The following CNTN4 variants were observed in gnomAD, a reference collection of about 807,000 sequenced individuals.
CNTN4 encodes the protein contactin 4.
In CNTN4, 77 loss-of-function variants were observed where a neutral mutation model predicts 122.5. That is an observed-to-expected ratio of 0.63 (90% confidence interval 0.52 to 0.76). The LOEUF is 0.76. Among genes scored for constraint, CNTN4 ranks in the 30% least tolerant of loss-of-function variants. CNTN4 has a pLI of 0.00. For missense variants in CNTN4, 1,256 were observed against 1,259.1 expected, an observed-to-expected ratio of 1.00 and a Z score of 0.04; for synonymous variants, 512 against 447.0, an observed-to-expected ratio of 1.15 and a Z score of -1.83.
chr3:2,595,285 A>T (rs1438972593), intron 4 of CNTN4, among the ~76,000 whole-genome samples: 1 of 152,246 alleles, frequency 6.6e-6, no homozygotes, highest in Non-Finnish European at 1.5e-5. Context: ...TAAAGATATT[A>T]TCCTTAGTTT....
chr3:2,667,513 T>C (rs1224891064), intron 4 of CNTN4, among the ~76,000 whole-genome samples: 1 of 152,172 alleles, frequency 6.6e-6, no homozygotes, highest in African/African-American at 2.4e-5. Flanking sequence ...ATGAGTAGAT[T>C]ACAAAAATTT....
chr3:2,812,257 T>C (rs2092630876), intron 6 of CNTN4, among the ~76,000 whole-genome samples: 1 of 152,172 alleles, frequency 6.6e-6, no homozygotes, highest in Admixed American at 6.5e-5. Flanking sequence ...CCTGCACATG[T>C]ACCCCTAAAC....
At chr3:2,313,919 A>G (rs2043003122) in intron 2 of CNTN4, among the ~76,000 whole-genome samples, 1 of 151,978 alleles carries the variant, frequency 6.6e-6, no homozygotes, top group African/African-American at 2.4e-5. Flanking sequence ...ATAACTGTAA[A>G]ATTGGAAAAG....
chr3:2,671,519 TTTGCCATGG>T (rs1219952536), intron 4 of CNTN4, among the ~76,000 whole-genome samples: 9 of 152,208 alleles, frequency 5.9e-5, no homozygotes, highest in Non-Finnish European at 1.0e-4. Flanking sequence ...TTTTAACTTC[TTTGCCATGG>T]TTTCAAACTT....
At chr3:2,231,021 T>C (rs2149543985) in intron 2 of CNTN4, among the ~76,000 whole-genome samples, 1 of 152,070 alleles carries the variant, frequency 6.6e-6, no homozygotes, top group African/African-American at 2.4e-5. Flanking sequence ...AAATATGATG[T>C]GAATCAAAAA....
chr3:2,107,902 C>T (rs770246784), intron 2 of CNTN4, among the ~76,000 whole-genome samples: 2 of 152,088 alleles, frequency 1.3e-5, no homozygotes, highest in Non-Finnish European at 2.9e-5. Context: ...ATACCCCTAC[C>T]CAGGCACATA....
At chr3:2,222,780 G>T (rs2039111907) in intron 2 of CNTN4, among the ~76,000 whole-genome samples, 1 of 152,028 alleles carries the variant, frequency 6.6e-6, no homozygotes, top group African/African-American at 2.4e-5. Flanking sequence ...TTCCTGAAAA[G>T]AATGCTGAGA....
At chr3:2,383,191 A>C (rs1394351883) in intron 3 of CNTN4, among the ~76,000 whole-genome samples, 1 of 152,242 alleles carries the variant, frequency 6.6e-6, no homozygotes, top group Non-Finnish European at 1.5e-5. Flanking sequence ...TCCCAGACTT[A>C]TATGAGCATA....
rs1337049783 is a variant in CNTN4 at position 2,531,106 on chromosome 3, C to T, written c.-88-40310C>T. Among the ~76,000 whole-genome samples the T allele has an allele frequency of 5.9e-5, 9 of 152,124 alleles. No homozygotes were observed. The East Asian group carries it at 1.7e-3, about 29-fold the overall frequency. On this transcript the variant is annotated intron_variant, in intron 3 of 24. Coordinates refer to ENST00000418658, the MANE Select transcript of CNTN4 (RefSeq NM_175607.3). ...GGGAAAGAACCTCCTAAAAAAGAGTCAATATGTTTGATGACATTAAACTGC... is the reference window on the plus strand; with the variant it reads ...GGGAAAGAACCTCCTAAAAAAGAGTTAATATGTTTGATGACATTAAACTGC...
rs568125763 is a variant in CNTN4 at position 2,221,015 on chromosome 3, A to C, written c.-144-118163A>C. Among the ~76,000 whole-genome samples, 6 of 152,254 alleles carry C rather than the reference A, an allele frequency of 3.9e-5. No individual in the cohort carries two copies. The South Asian group carries it at 6.2e-4, about 16-fold the overall frequency. ...AGAATGTAAGATTCGGACTGGGGCC[A>C]TCAAATAATCCTGCTTGAGTGATTC... On this transcript the variant is annotated intron_variant, in intron 2 of 24. Coordinates refer to ENST00000418658, the MANE Select transcript of CNTN4 (RefSeq NM_175607.3).
chr3:2,392,749 C>CTA (rs1271275185), intron 3 of CNTN4, among the ~76,000 whole-genome samples: 3 of 152,180 alleles, frequency 2.0e-5, no homozygotes, highest in African/African-American at 7.2e-5. Flanking sequence ...TCTTATTTAA[C>CTA]TAAAGCTTTG....
Position 3,012,456 on chromosome 3 carries a change from G to GT in CNTN4, c.1487-13641dup, listed in dbSNP as rs551173471. ...TTGATCGGTTTGGTTTTTTGTTTTT[G>GT]TTTTTGTTTTTGAGACACAGTCTCA... On this transcript the variant is annotated intron_variant, in intron 14 of 24. Coordinates refer to ENST00000418658, the MANE Select transcript of CNTN4 (RefSeq NM_175607.3). 4.3e-3 allele frequency among the ~76,000 whole-genome samples: 656 copies of GT among 151,852 alleles called. 7 individuals carry two copies. The highest frequency in any genetic ancestry group is 0.015 in the African/African-American group (628 of 41,482).
intron 15 of CNTN4, among the ~76,000 whole-genome samples, chr3:3,026,686 G>C (rs545307475): frequency 6.6e-6 from 1 of 152,092 alleles, no homozygotes; most frequent in Non-Finnish European, 1.5e-5. Flanking sequence ...CTGTTTTTAG[G>C]CTGCTAATTA....
chr3:2,696,211 C>G (rs1243839467), intron 4 of CNTN4, among the ~76,000 whole-genome samples: 1 of 152,042 alleles, frequency 6.6e-6, no homozygotes, highest in Non-Finnish European at 1.5e-5. Flanking sequence ...ACTATAATGA[C>G]CTGAAGTGTT....
intron 6 of CNTN4, among the ~76,000 whole-genome samples, chr3:2,779,493 G>A (rs781345902): frequency 6.6e-6 from 1 of 152,060 alleles, no homozygotes; most frequent in Non-Finnish European, 1.5e-5. Context: ...GCCACAGTTG[G>A]TTATTACTTA....
chr3:2,951,446 C>T (rs1030363872), intron 13 of CNTN4, among the ~76,000 whole-genome samples: 1 of 152,218 alleles, frequency 6.6e-6, no homozygotes, highest in Non-Finnish European at 1.5e-5. Context: ...GTGATGCTTG[C>T]TCACAGGCTC....
At chr3:2,249,809 G>T (rs2040305732) in intron 2 of CNTN4, among the ~76,000 whole-genome samples, 1 of 151,874 alleles carries the variant, frequency 6.6e-6, no homozygotes, top group Non-Finnish European at 1.5e-5. Flanking sequence ...CCTTGCCATA[G>T]ACCTTTTCTT....
chr3:2,787,714 A>T (rs2091881738), intron 6 of CNTN4, among the ~76,000 whole-genome samples: 1 of 151,868 alleles, frequency 6.6e-6, no homozygotes, highest in South Asian at 2.1e-4. Context: ...AATAGCGCAT[A>T]CTTTGTTGGT....
Position 2,900,051 on chromosome 3 carries a change from G to A in CNTN4, c.941-634G>A, listed in dbSNP as rs1174926731. ...TTTTCCTCAAAAATGGCAGGTGGAT[G>A]TGGAGCTGCTTTGCTCCACACAGTC... On this transcript the variant is annotated intron_variant, in intron 10 of 24. Coordinates refer to ENST00000418658, the MANE Select transcript of CNTN4 (RefSeq NM_175607.3). Among the ~76,000 whole-genome samples, 6 of 152,172 alleles carry A rather than the reference G, an allele frequency of 3.9e-5. No homozygotes were observed. The East Asian group carries it at 5.8e-4, about 15-fold the overall frequency.
Sources: allele counts gnomAD v4.1 joint callset (sites outside exome capture counted in the v4.1 genomes callset), GRCh38; gene constraint gnomAD v4.1.1; transcripts MANE v1.5; gene names NCBI Gene and HGNC (gene_info 2026-07-23, HGNC 2026-07-21).